Variants in MAP4 observed in about 807,000 individuals in gnomAD.
MAP4 encodes the protein microtubule associated protein 4.
A neutral mutation model predicts 170.2 loss-of-function variants in MAP4; 76 were observed. That is an observed-to-expected ratio of 0.45 (90% CI 0.37 to 0.54). The LOEUF is 0.54. MAP4 is among the 20% of genes least tolerant of loss of function. MAP4 has a pLI of 0.00. For synonymous variants in MAP4, 909 were observed against 994.5 expected (o/e 0.91, Z 1.62); for missense variants, 2,506 against 2,748.0 (o/e 0.91, Z 1.97).
At chr3:48,056,776 C>T (rs1295880507) in intron 1 of MAP4, among the ~76,000 whole-genome samples, 27 of 60,476 alleles carry the variant, frequency 4.5e-4, no homozygotes, top group Admixed American at 8.6e-4. Flanking sequence ...CCAGCCGCCC[C>T]GTCCGGGAGG....
chr3:47,942,973 G>A (rs1425845421), intron 3 of MAP4, among the ~76,000 whole-genome samples: 2 of 152,028 alleles, frequency 1.3e-5, no homozygotes, highest in African/African-American at 2.4e-5. Context: ...AATTAGCCAG[G>A]CACGGTAGTG....
At position 48,030,156 on chromosome 3, in the gene MAP4, A is replaced by T. The variant is rs574872570; in HGVS notation, c.-19-31277T>A. Among the ~76,000 whole-genome samples, 18 of 150,840 alleles carry T rather than the reference A, an allele frequency of 1.2e-4. No individual in the cohort carries two copies. In the South Asian group the frequency reaches 3.7e-3, roughly 31 times the overall value. On this transcript the variant is annotated intron_variant, in intron 1 of 18. Coordinates refer to the MAP4 transcript ENST00000360240. ...GTAATCCCACCACTTTGAAAGGCTG[A>T]GGTGGGAGGATCATCTAAGGCTAAG...
chr3:47,941,627 C>CA (rs796623845), intron 3 of MAP4, among the ~76,000 whole-genome samples: 2,432 of 126,686 alleles, frequency 0.019, 43 homozygotes, highest in African/African-American at 0.047. Flanking sequence ...AAAACAAAAA[C>CA]AAAAAAAAAA....
chr3:47,878,734 C>T (rs545471131), intron 10 of MAP4, among the ~76,000 whole-genome samples: 61 of 152,202 alleles, frequency 4.0e-4, no homozygotes, highest in African/African-American at 1.3e-3. Context: ...GACAGGGTTT[C>T]ACCATGTTGG....
intron 3 of MAP4, among the ~76,000 whole-genome samples, chr3:47,964,164 C>T (rs2100073401): frequency 1.3e-5 from 2 of 152,198 alleles, no homozygotes; most frequent in African/African-American, 4.8e-5. Context: ...TGGGCAACCA[C>T]TGGAGGGTTC....
At chr3:47,995,155 A>C (rs2100094646) in intron 2 of MAP4, among the ~76,000 whole-genome samples, 1 of 152,142 alleles carries the variant, frequency 6.6e-6, no homozygotes, top group Non-Finnish European at 1.5e-5. Context: ...AATTGAATTA[A>C]AGGATAAAAA....
At chr3:47,914,679 ATCTG>A (rs1258380039) in intron 8 of MAP4, 134 bp downstream of exon 8, 22 of 979,124 alleles carry the variant, frequency 2.2e-5, no homozygotes, top group East Asian at 2.2e-4. Flanking sequence ...ACCAGATAAA[ATCTG>A]TCTAAGAGAA....
chr3:47,909,163 T>C lies in MAP4; in HGVS notation c.5258A>G (p.Asp1753Gly). Residue 1753 changes from aspartate (D) to glycine (G), a missense_variant, in exon 9 of 21, where the codon GAT (aspartate) becomes GGT (glycine). Around this residue, in one of 3 missense-constraint regions of MAP4, gnomAD observed 2,008 missense variants for 2,206.0 expected, o/e 0.91. Coordinates refer to ENST00000683076, the MANE Select transcript of MAP4 (RefSeq NM_001385682.1). The stretch of plus-strand genomic sequence containing the variant: ...CATTGGTTCTGCCATTCTGCTTTTA[T>C]CTTCCTTTTTCCCTTCTCCTGGTGT... ...SKTPGEGKKE[D>G]KSRMAEPMKG... The C allele has an allele frequency of 1.2e-6, 2 of 1,614,038 alleles. No homozygotes were observed. The highest frequency in any genetic ancestry group is 1.7e-6 in the Non-Finnish European group (2 of 1,179,896).
At chr3:48,068,628 C>CA (rs2100139498) in intron 1 of MAP4, among the ~76,000 whole-genome samples, 2 of 151,874 alleles carry the variant, frequency 1.3e-5, no homozygotes, top group South Asian at 2.1e-4. Context: ...ACTAAAAATA[C>CA]AAAAAATTAG....
intron 17 of MAP4, 62 bp from the exon 18 acceptor site, chr3:47,857,574 TGCTACC>T: frequency 8.4e-5 from 94 of 1,113,634 alleles, no homozygotes; most frequent in Middle Eastern, 2.0e-4. Flanking sequence ...GCCAACCCCA[TGCTACC>T]TTTTAAATCT....
intron 1 of MAP4, among the ~76,000 whole-genome samples, chr3:48,063,137 CA>C (rs1444537186): frequency 6.6e-6 from 1 of 150,822 alleles, no homozygotes; most frequent in Non-Finnish European, 1.5e-5. Flanking sequence ...AAAAAGACTT[CA>C]AATTCATTAA....
intron 1 of MAP4, among the ~76,000 whole-genome samples, chr3:48,061,608 C>T (rs1195691181): frequency 2.0e-5 from 3 of 151,432 alleles, no homozygotes; most frequent in East Asian, 1.9e-4. Context: ...TCTGCCCGGC[C>T]GCCACCCCGT....
chr3:48,055,258 A>C (rs1243171799), intron 1 of MAP4, among the ~76,000 whole-genome samples: 89 of 151,868 alleles, frequency 5.9e-4, no homozygotes, highest in African/African-American at 2.0e-3. Context: ...TCTCCCTCTC[A>C]TGCGGAGCCG....
At chr3:47,858,241 G>A (rs541805226) in intron 17 of MAP4, among the ~76,000 whole-genome samples, 4 of 152,070 alleles carry the variant, frequency 2.6e-5, no homozygotes, top group African/African-American at 7.2e-5. Flanking sequence ...TCGAACTCCT[G>A]ACCTCAGGTG....
At chr3:47,934,362 A>G (rs1162272358) in intron 3 of MAP4, among the ~76,000 whole-genome samples, 1 of 152,122 alleles carries the variant, frequency 6.6e-6, no homozygotes, top group Admixed American at 6.6e-5. Context: ...GAATCCAGTG[A>G]CTTGATCTCA....
upstream of MAP4, among the ~76,000 whole-genome samples, chr3:48,019,815 T>G (rs2100109686): frequency 6.6e-6 from 1 of 152,142 alleles, no homozygotes; most frequent in African/African-American, 2.4e-5. Flanking sequence ...AGTTCAAGGC[T>G]GCAGTGAGCC....
upstream of MAP4, among the ~76,000 whole-genome samples, chr3:48,019,211 G>A (rs1226279595): frequency 1.3e-5 from 2 of 151,034 alleles, no homozygotes; most frequent in Non-Finnish European, 3.0e-5. Context: ...GCATGGTGGT[G>A]TGTGCCTGTA....
chr3:47,961,948 C>A (rs1335390023), intron 3 of MAP4, among the ~76,000 whole-genome samples: 1 of 152,174 alleles, frequency 6.6e-6, no homozygotes, highest in Non-Finnish European at 1.5e-5. Flanking sequence ...CTGATTGGAA[C>A]AAGATCTGGC....
At position 48,016,149 on chromosome 3, in the gene MAP4, G is replaced by A. The variant is rs902678383; in HGVS notation, c.-20+185C>T. Among the ~76,000 whole-genome samples the A allele has an allele frequency of 9.2e-5, 14 of 152,280 alleles. No homozygotes were observed. The Middle Eastern group carries it at 0.01, about 111-fold the overall frequency. On this transcript the variant is annotated intron_variant, in intron 1 of 20. Transcript: ENST00000683076. ...CACACAGCTACATTCCTACATGAAA[G>A]AACACACTGATATAGGTTTAAAGAA...
Sources: gnomAD v4.1 joint callset for allele counts (sites outside exome capture counted in the v4.1 genomes callset) on GRCh38, gnomAD v4.1.1 for gene constraint, gnomAD v4.1.1 regional missense constraint, MANE v1.5 for transcripts, NCBI Gene and HGNC (gene_info 2026-07-23, HGNC 2026-07-21) for gene names.